JAKMIP1: variants seen among roughly 807,000 people sequenced by gnomAD.
JAKMIP1 encodes janus kinase and microtubule interacting protein 1, also known as janus kinase and microtubule-interacting protein 1.
In JAKMIP1, 33 loss-of-function variants were observed where a neutral mutation model predicts 113.0. The observed-to-expected ratio is 0.29, with a 90% CI of 0.22 to 0.39. The LOEUF (loss-of-function observed/expected upper bound fraction) is 0.39, where lower values mean the gene tolerates loss of function less well. JAKMIP1 is among the 10% of genes least tolerant of loss of function. The pLI, the probability that JAKMIP1 is intolerant of heterozygous loss-of-function variation, is 1.00. For synonymous variants in JAKMIP1, 480 were observed against 459.9 expected (o/e 1.04, Z -0.56); for missense variants, 813 against 1,080.5 (o/e 0.75, Z 3.47).
At chr4:6,070,342 G>A (rs539424787) in intron 8 of JAKMIP1, 10 of 382,334 alleles carry the variant, frequency 2.6e-5, no homozygotes, top group East Asian at 2.2e-4. Flanking sequence ...CTGTGGACCC[G>A]TCTGCTGCAG....
intron 1 of JAKMIP1, among the ~76,000 whole-genome samples, chr4:6,130,068 T>C (rs1470875181): frequency 6.6e-6 from 1 of 152,182 alleles, no homozygotes; most frequent in Non-Finnish European, 1.5e-5. Context: ...CAGGTCCAGC[T>C]CATCATGCCA....
intron 8 of JAKMIP1, among the ~76,000 whole-genome samples, chr4:6,068,970 G>A (rs537749196): frequency 6.6e-6 from 1 of 152,226 alleles, no homozygotes; most frequent in South Asian, 2.1e-4. Flanking sequence ...TGTGTTGAGT[G>A]ATTATATTAT....
At chr4:6,053,661 T>G (rs1394897061) in intron 13 of JAKMIP1, 1 of 423,818 alleles carries the variant, frequency 2.4e-6, no homozygotes, top group Non-Finnish European at 3.3e-6. Context: ...ATTGCAACAG[T>G]GCTTCCGTCT....
intron 1 of JAKMIP1, among the ~76,000 whole-genome samples, chr4:6,124,769 C>T (rs1250537779): frequency 1.3e-5 from 2 of 152,248 alleles, no homozygotes; most frequent in Non-Finnish European, 2.9e-5. Context: ...TCACAGGCCA[C>T]CTGGGATCAC....
chr4:6,082,025 G>A (rs972685758), intron 5 of JAKMIP1, among the ~76,000 whole-genome samples: 7 of 152,078 alleles, frequency 4.6e-5, no homozygotes, highest in Non-Finnish European at 1.0e-4. Flanking sequence ...TTATTTTCAT[G>A]GAAAGAATTA....
chr4:6,196,743 C>A (rs1016331987), intron 1 of JAKMIP1, among the ~76,000 whole-genome samples: 4 of 152,110 alleles, frequency 2.6e-5, no homozygotes, highest in South Asian at 4.1e-4. Context: ...TGCCTGTAAT[C>A]CCAGCTACTT....
Position 6,044,772 on chromosome 4 carries a change from G to A in JAKMIP1, c.2029-2545C>T, listed in dbSNP as rs562292328. Among the ~76,000 whole-genome samples the A allele has an allele frequency of 6.6e-6, 1 of 152,340 alleles. No individual in the cohort carries two copies. The highest frequency in any genetic ancestry group is 1.9e-4 in the East Asian group (1 of 5,188). On this transcript the variant is annotated intron_variant, in intron 16 of 20. Transcript: ENST00000409021. This position sits in a 1 kb window ranked among gnomAD's most constrained non-coding sequence, Gnocchi z 4.4. Reference sequence around the variant, plus strand: ...AAATTCAACAAGACCTTTTAGCAACGGGGAGAGAACATGAAAGCAGAGAGA... The same window carrying A: ...AAATTCAACAAGACCTTTTAGCAACAGGGAGAGAACATGAAAGCAGAGAGA...
Position 6,049,801 on chromosome 4 carries a change from C to T in JAKMIP1, c.1962+18G>A. On this transcript the variant is annotated intron_variant, in intron 15 of 20. Transcript: ENST00000409021. This position sits in a 1 kb window ranked among gnomAD's most constrained non-coding sequence, Gnocchi z 7.0. ...CAAAACAAGAACACGAAAGCAGAAACCGATCGCTCATAGTTACCCCGTTAT... is the reference window on the plus strand; with the variant it reads ...CAAAACAAGAACACGAAAGCAGAAATCGATCGCTCATAGTTACCCCGTTAT... The T allele has an allele frequency of 2.5e-6, 4 of 1,596,568 alleles. No homozygotes were observed. The highest frequency in any genetic ancestry group is 3.4e-6 in the Non-Finnish European group (4 of 1,164,502).
Position 6,188,426 on chromosome 4 carries a change from T to C in JAKMIP1, c.-148+11827A>G, listed in dbSNP as rs935320424. 2.8e-4 allele frequency among the ~76,000 whole-genome samples: 43 copies of C among 152,080 alleles called. 1 individual carries two copies. The highest frequency in any genetic ancestry group is 2.8e-3 in the Admixed American group (43 of 15,266). On this transcript the variant is annotated intron_variant, in intron 1 of 20. Coordinates refer to ENST00000409021, the MANE Select transcript of JAKMIP1 (RefSeq NM_001099433.2). This position sits in a 1 kb window ranked among gnomAD's most constrained non-coding sequence, Gnocchi z 5.8. ...GGAGGTTCTGATAAGGAGAGGTCCT[T>C]TCTCCACTTCCAACAATAAACAGAT... is the stretch of plus-strand genomic sequence containing the variant.
intron 3 of JAKMIP1, among the ~76,000 whole-genome samples, chr4:6,098,536 G>A (rs187151747): frequency 0.019 from 889 of 47,630 alleles, 13 homozygotes; most frequent in African/African-American, 0.053. Context: ...GAGAGAGAGA[G>A]AGAGAAAGAA....
chr4:6,091,485 T>C (rs561830469), intron 3 of JAKMIP1, among the ~76,000 whole-genome samples: 16 of 152,376 alleles, frequency 1.1e-4, no homozygotes, highest in African/African-American at 3.4e-4. Flanking sequence ...TGTTTAATTC[T>C]AACTCTCGGC....
At chr4:6,195,423 T>C (rs1727737659) in intron 1 of JAKMIP1, among the ~76,000 whole-genome samples, 1 of 152,204 alleles carries the variant, frequency 6.6e-6, no homozygotes, top group Non-Finnish European at 1.5e-5. Context: ...TATTTTAATA[T>C]ATTTAGTACA....
chr4:6,050,001 G>A lies in JAKMIP1; in HGVS notation c.1909-129C>T, dbSNP rs767014072. 4.5e-5 allele frequency: 30 copies of A among 666,240 alleles called. No homozygotes were observed. The highest frequency in any genetic ancestry group is 2.6e-4 in the South Asian group (14 of 54,670). The allele number at this position is 666,240 out of a possible 1,614,324, so 41.3% of individuals were successfully genotyped here. A position where few individuals can be genotyped will look rare whatever the true frequency, so the allele number is the denominator to read the frequency against. ...CTTTTCTTTTCTGGCCAAGTTTTGC[G>A]CCCAGCCGTTCCTCTGGGGAGTGAG... On this transcript the variant is annotated intron_variant, in intron 14 of 20. Coordinates refer to ENST00000409021, the MANE Select transcript of JAKMIP1 (RefSeq NM_001099433.2). This position sits in a 1 kb window ranked among gnomAD's most constrained non-coding sequence, Gnocchi z 7.4.
In JAKMIP1 at chr4:6,088,905, G is replaced by A. The variant is rs190014844; in HGVS notation, c.625-3276C>T. Among the ~76,000 whole-genome samples the A allele has an allele frequency of 6.6e-6, 1 of 152,210 alleles. No homozygotes were observed. The highest frequency in any genetic ancestry group is 2.4e-5 in the African/African-American group (1 of 41,458). On this transcript the variant is annotated intron_variant, in intron 3 of 20. Coordinates refer to ENST00000409021, the MANE Select transcript of JAKMIP1 (RefSeq NM_001099433.2). This position sits in a 1 kb window ranked among gnomAD's most constrained non-coding sequence, Gnocchi z 5.5. The stretch of plus-strand genomic sequence containing the variant: ...CAGTCTCAGCATGTGCAGTAGGAAA[G>A]GGGTGGAACGAACATCACTGCAAGT...
At chr4:6,062,569 C>T (rs1717457525) in intron 9 of JAKMIP1, 129 bp from the exon 10 acceptor site, 3 of 962,438 alleles carry the variant, frequency 3.1e-6, no homozygotes, top group Non-Finnish European at 4.6e-6. Context: ...TCAACTTAGA[C>T]ATCAAACGAC....
chr4:6,136,782 C>A lies in JAKMIP1; in HGVS notation c.-147-23785G>T, dbSNP rs1481449436. ...CCAGCCAGCTGACCACAACCCACAT[C>A]GTGGGGGTCCTGACTACACAGAAAG... On this transcript the variant is annotated intron_variant, in intron 1 of 20. Coordinates refer to ENST00000409021, the MANE Select transcript of JAKMIP1 (RefSeq NM_001099433.2). The surrounding 1 kb of genome is among the most constrained non-coding windows in gnomAD (Gnocchi z 5.9). Among the ~76,000 whole-genome samples the A allele has an allele frequency of 2.0e-5, 3 of 152,238 alleles. No homozygotes were observed. Among genetic ancestry groups the A allele is most frequent in the African/African-American group, 4.8e-5 (2 of 41,468 alleles).
chr4:6,101,077 T>C (rs1486520357), intron 3 of JAKMIP1, among the ~76,000 whole-genome samples: 1 of 152,206 alleles, frequency 6.6e-6, no homozygotes, highest in African/African-American at 2.4e-5. Context: ...CTGAATAGTA[T>C]ATTTATGTAA....
chr4:6,142,592 T>C lies in JAKMIP1; in HGVS notation c.-147-29595A>G, dbSNP rs373543455. 3.9e-5 allele frequency among the ~76,000 whole-genome samples: 6 copies of C among 152,306 alleles called. No homozygotes were observed. The highest frequency in any genetic ancestry group is 2.0e-4 in the Admixed American group (3 of 15,294). The stretch of plus-strand genomic sequence containing the variant: ...ATTCCAACCCTAAATCCTTAAAATA[T>C]AGCTGGAGTCTCTGCTCTCGGACTT... On this transcript the variant is annotated intron_variant, in intron 1 of 20. Coordinates refer to ENST00000409021, the MANE Select transcript of JAKMIP1 (RefSeq NM_001099433.2). This position sits in a 1 kb window ranked among gnomAD's most constrained non-coding sequence, Gnocchi z 5.5.
At position 6,141,783 on chromosome 4, in the gene JAKMIP1, C is replaced by T. The variant is rs777307118; in HGVS notation, c.-147-28786G>A. On this transcript the variant is annotated intron_variant, in intron 1 of 20. Coordinates refer to ENST00000409021, the MANE Select transcript of JAKMIP1 (RefSeq NM_001099433.2). The surrounding 1 kb of genome is among the most constrained non-coding windows in gnomAD (Gnocchi z 9.4). Reference sequence around the variant, plus strand: ...CCGAGGATGCTGACTGTCCACTCTTCGGCAACCTCCCTGGCCACTGAGCAG... The same window carrying T: ...CCGAGGATGCTGACTGTCCACTCTTTGGCAACCTCCCTGGCCACTGAGCAG... Among the ~76,000 whole-genome samples the T allele has an allele frequency of 2.0e-5, 3 of 152,204 alleles. No homozygotes were observed. The highest frequency in any genetic ancestry group is 3.8e-4 in the East Asian group (2 of 5,198).
Sources: gnomAD v4.1 joint callset for allele counts (sites outside exome capture counted in the v4.1 genomes callset) on GRCh38, gnomAD v4.1.1 for gene constraint, Gnocchi (gnomAD v3.1) non-coding constraint, MANE v1.5 for transcripts, NCBI Gene and HGNC (gene_info 2026-07-23, HGNC 2026-07-21) for gene names.